The following CBFB variants were observed in gnomAD, a reference collection of about 807,000 sequenced individuals.
CBFB encodes the protein CBF-beta.
Under a neutral mutation model 30.4 loss-of-function variants are expected in CBFB, and 9 were observed. The ratio of observed to expected loss-of-function variants is 0.30; its 90% CI spans 0.18 to 0.52. The LOEUF is 0.52. Among genes scored for constraint, CBFB ranks in the 20% least tolerant of loss-of-function variants. The pLI, the probability that CBFB is intolerant of heterozygous loss-of-function variation, is 0.97. For missense variants in CBFB, 170 were observed against 244.0 expected, an observed-to-expected ratio of 0.70 and a Z score of 2.02; for synonymous variants, 94 against 84.0, an observed-to-expected ratio of 1.12 and a Z score of -0.65.
chr16:67,078,902 A>C (rs997650636), intron 4 of CBFB, among the ~76,000 whole-genome samples: 1 of 152,138 alleles, frequency 6.6e-6, no homozygotes, highest in Non-Finnish European at 1.5e-5. Context: ...CAGGTGACCC[A>C]CCGGCCTTGG....
At chr16:67,057,794 C>T (rs185891579) in intron 3 of CBFB, among the ~76,000 whole-genome samples, 3 of 151,932 alleles carry the variant, frequency 2.0e-5, no homozygotes, top group African/African-American at 7.2e-5. Context: ...TAAGTGTTGC[C>T]TTTTTCATAT....
intron 2 of CBFB, among the ~76,000 whole-genome samples, chr16:67,034,604 C>T (rs547255459): frequency 4.4e-4 from 67 of 152,192 alleles, no homozygotes; most frequent in African/African-American, 1.2e-3. Flanking sequence ...AGATAATGGA[C>T]ATATAGTGAT....
intron 3 of CBFB, among the ~76,000 whole-genome samples, chr16:67,059,955 T>C (rs1222176181): frequency 6.7e-6 from 1 of 149,420 alleles, no homozygotes; most frequent in Non-Finnish European, 1.5e-5. Context: ...TGCAAACTTT[T>C]AATTCTTTCT....
chr16:67,052,838 C>T (rs1047570229), intron 3 of CBFB, among the ~76,000 whole-genome samples: 2 of 151,930 alleles, frequency 1.3e-5, no homozygotes, highest in African/African-American at 4.8e-5. Context: ...TGATACAGGC[C>T]TGTAGTCCCA....
chr16:67,085,885 A>G (rs568656627), intron 5 of CBFB, among the ~76,000 whole-genome samples: 3 of 151,732 alleles, frequency 2.0e-5, no homozygotes, highest in African/African-American at 7.2e-5. Flanking sequence ...TCACCGTGTT[A>G]GCCAGGATGG....
intron 3 of CBFB, among the ~76,000 whole-genome samples, chr16:67,063,598 C>T (rs1368580120): frequency 6.6e-6 from 1 of 152,016 alleles, no homozygotes; most frequent in African/African-American, 2.4e-5. Flanking sequence ...CACACACCCA[C>T]GCCCAGTTAA....
At chr16:67,042,933 A>C (rs1400518113) in intron 3 of CBFB, among the ~76,000 whole-genome samples, 1 of 151,994 alleles carries the variant, frequency 6.6e-6, no homozygotes, top group Non-Finnish European at 1.5e-5. Context: ...ACAGGGTTTC[A>C]CCATGTTGGC....
intron 4 of CBFB, among the ~76,000 whole-genome samples, chr16:67,070,096 A>G (rs1047866495): frequency 2.0e-5 from 3 of 152,200 alleles, no homozygotes; most frequent in Non-Finnish European, 2.9e-5. Context: ...TAACAGGAAC[A>G]TAAAGAAACT....
chr16:67,048,792 A>G (rs1429070091), intron 3 of CBFB, among the ~76,000 whole-genome samples: 1 of 142,138 alleles, frequency 7.0e-6, no homozygotes, highest in Non-Finnish European at 1.5e-5. Context: ...TGACCTTGTG[A>G]GCCACCGTGT....
At chr16:67,071,419 C>G (rs544129729) in intron 4 of CBFB, among the ~76,000 whole-genome samples, 2 of 152,208 alleles carry the variant, frequency 1.3e-5, no homozygotes, top group East Asian at 3.9e-4. Flanking sequence ...GGAGAGAGCT[C>G]TCTGTCTCTC....
intron 3 of CBFB, among the ~76,000 whole-genome samples, chr16:67,050,790 C>T (rs1966726882): frequency 6.6e-6 from 1 of 152,052 alleles, no homozygotes; most frequent in Non-Finnish European, 1.5e-5. Flanking sequence ...AAAACCCTGT[C>T]TCCAAAAAAC....
chr16:67,064,280 T>C (rs1417706198), intron 3 of CBFB, among the ~76,000 whole-genome samples: 1 of 152,020 alleles, frequency 6.6e-6, no homozygotes, highest in Admixed American at 6.6e-5. Context: ...GATCTCAGTT[T>C]ACTGCAACCT....
chr16:67,051,071 AATC>A (rs1465059128), intron 3 of CBFB, among the ~76,000 whole-genome samples: 3 of 152,188 alleles, frequency 2.0e-5, no homozygotes, highest in East Asian at 1.9e-4. Context: ...GAGTAACTGA[AATC>A]ATGGAGAGCA....
rs534824843 is a variant in CBFB at position 67,046,350 on chromosome 16, C to T, written c.282+9595C>T. On this transcript the variant is annotated intron_variant, in intron 3 of 5. Transcript: ENST00000412916. ...TCCTGGACTCAAGCAATCCTCTCGC[C>T]TTGGCCTCTCAAAGTGCTGGGATTA... is the stretch of plus-strand genomic sequence containing the variant. Among the ~76,000 whole-genome samples, 136 of 152,258 alleles carry T rather than the reference C, an allele frequency of 8.9e-4. 1 individual carries two copies. The highest frequency in any genetic ancestry group is 3.2e-3 in the African/African-American group (131 of 41,540).
At chr16:67,073,448 A>T (rs1243009712) in intron 4 of CBFB, among the ~76,000 whole-genome samples, 1 of 152,236 alleles carries the variant, frequency 6.6e-6, no homozygotes, top group Non-Finnish European at 1.5e-5. Context: ...TCCCAAAAAG[A>T]AACAGAAGAC....
chr16:67,094,280 T>G (rs1961980136), intron 5 of CBFB, among the ~76,000 whole-genome samples: 1 of 152,098 alleles, frequency 6.6e-6, no homozygotes, highest in Non-Finnish European at 1.5e-5. Context: ...TTCCTACTCT[T>G]GACTCTTCAT....
At chr16:67,085,144 G>T (rs1275627736) in intron 5 of CBFB, among the ~76,000 whole-genome samples, 2 of 150,460 alleles carry the variant, frequency 1.3e-5, no homozygotes, top group Admixed American at 6.6e-5. Flanking sequence ...GAAATAAATT[G>T]TGTGTGTGTG....
Position 67,082,277 on chromosome 16 carries a change from A to G in CBFB, c.464A>G (p.Asp155Gly). The change falls in exon 5 of 6, where the codon GAT becomes GGT. Residue 155 changes from aspartate (D) to glycine (G), a missense_variant. Coordinates refer to ENST00000412916, the MANE Select transcript of CBFB (RefSeq NM_022845.3). ...CGGAGAAGGACACGCGAATTTGAAG[A>G]TAGAGACAGGTCTCATCGGGAGGAA... ...EARRRTREFE[D>G]RDRSHREEME... is the part of the protein sequence containing the mutation. 2 of 1,612,442 alleles carry G rather than the reference A, an allele frequency of 1.2e-6. No homozygotes were observed. Among genetic ancestry groups the G allele is most frequent in the Non-Finnish European group, 1.7e-6 (2 of 1,178,658 alleles).
intron 3 of CBFB, among the ~76,000 whole-genome samples, chr16:67,065,700 T>TTA (rs1961031291): frequency 6.6e-6 from 1 of 152,134 alleles, no homozygotes; most frequent in Non-Finnish European, 1.5e-5. Context: ...GTTGATTTTG[T>TTA]TATAGTATTT....
Sources: gnomAD v4.1 joint callset for allele counts (sites outside exome capture counted in the v4.1 genomes callset) on GRCh38, gnomAD v4.1.1 for gene constraint, MANE v1.5 for transcripts, NCBI Gene and HGNC (gene_info 2026-07-23, HGNC 2026-07-21) for gene names.